The following CNOT4 variants were observed in gnomAD, a reference collection of about 807,000 sequenced individuals.
CNOT4 encodes the protein CCR4-associated factor 4.
Under a neutral mutation model 73.8 loss-of-function variants are expected in CNOT4, and 8 were observed. The observed-to-expected ratio is 0.11, with a 90% CI of 0.06 to 0.20. The LOEUF is 0.20. Among genes scored for constraint, CNOT4 ranks in the 10% least tolerant of loss-of-function variants. CNOT4 has a pLI of 1.00. For missense variants in CNOT4, 564 were observed against 883.4 expected, an observed-to-expected ratio of 0.64 and a Z score of 4.58; for synonymous variants, 293 against 321.1, an observed-to-expected ratio of 0.91 and a Z score of 0.94.
At chr7:135,466,026 G>T (rs1801198649) in intron 1 of CNOT4, among the ~76,000 whole-genome samples, 2 of 151,628 alleles carry the variant, frequency 1.3e-5, no homozygotes. Context: ...TCCAGCCTGG[G>T]CAACAAAGCG....
At chr7:135,411,415 T>C (rs181542564) in intron 6 of CNOT4, among the ~76,000 whole-genome samples, 5 of 152,088 alleles carry the variant, frequency 3.3e-5, no homozygotes, top group African/African-American at 9.6e-5. Flanking sequence ...ACTACATACA[T>C]AGCTCAGAAA....
At chr7:135,389,687 G>GA (rs200091011) in intron 10 of CNOT4, among the ~76,000 whole-genome samples, 46 of 150,494 alleles carry the variant, frequency 3.1e-4, no homozygotes, top group Non-Finnish European at 4.4e-4. Flanking sequence ...ACAAAAACAT[G>GA]AAAAAAAAAT....
chr7:135,504,879 C>T (rs1322420413), intron 1 of CNOT4, among the ~76,000 whole-genome samples: 3 of 151,992 alleles, frequency 2.0e-5, no homozygotes, highest in Admixed American at 6.6e-5. Flanking sequence ...CTGCCCACCT[C>T]GGCCTCCCAA....
intron 1 of CNOT4, among the ~76,000 whole-genome samples, chr7:135,465,134 G>A (rs1476507748): frequency 2.0e-5 from 3 of 152,004 alleles, no homozygotes; most frequent in Admixed American, 2.0e-4. Context: ...CTGCTCTCTG[G>A]TTTTAATAAA....
chr7:135,502,816 CAAAAAAA>C (rs56358299), intron 1 of CNOT4, among the ~76,000 whole-genome samples: 11 of 59,154 alleles, frequency 1.9e-4, no homozygotes, highest in South Asian at 5.3e-4. Context: ...AACTCCATCT[CAAAAAAA>C]AAAAAAAAAA....
chr7:135,474,276 A>ATT (rs869203152), intron 1 of CNOT4, among the ~76,000 whole-genome samples: 6,478 of 88,002 alleles, frequency 0.074, 635 homozygotes, highest in African/African-American at 0.1. Flanking sequence ...CTGTGCCCAA[A>ATT]TTTTTTTTTT....
chr7:135,441,245 A>T (rs1799463063), intron 1 of CNOT4, among the ~76,000 whole-genome samples: 1 of 152,126 alleles, frequency 6.6e-6, no homozygotes, highest in Non-Finnish European at 1.5e-5. Flanking sequence ...GCAAAAAAAA[A>T]TGTATTTTTT....
Position 135,417,129 on chromosome 7 carries a change from G to A in CNOT4, c.373-1867C>T, listed in dbSNP as rs190848105. Among the ~76,000 whole-genome samples, 12 of 151,586 alleles carry A rather than the reference G, an allele frequency of 7.9e-5. No individual in the cohort carries two copies. The East Asian group carries it at 2.6e-3, about 33-fold the overall frequency. On this transcript the variant is annotated intron_variant, in intron 3 of 11. Transcript: ENST00000541284. ...ACAGTCCATGATTTTACAAATAGGT[G>A]CAAGTATCTTACTTCTTTATTACAT... is the stretch of plus-strand genomic sequence containing the variant.
intron 6 of CNOT4, among the ~76,000 whole-genome samples, chr7:135,412,757 C>A (rs1018407534): frequency 6.6e-6 from 1 of 151,936 alleles, no homozygotes; most frequent in African/African-American, 2.4e-5. Context: ...GAGAAGTATT[C>A]CTGAAAAGTC....
chr7:135,382,594 A>AC (rs1554424418), intron 10 of CNOT4, among the ~76,000 whole-genome samples: 4 of 151,784 alleles, frequency 2.6e-5, no homozygotes, highest in African/African-American at 4.8e-5. Flanking sequence ...AAAAAAAAAA[A>AC]ACCACACAGT....
At chr7:135,488,575 T>C (rs189019379) in intron 1 of CNOT4, among the ~76,000 whole-genome samples, 2 of 152,326 alleles carry the variant, frequency 1.3e-5, no homozygotes, top group East Asian at 3.9e-4. Flanking sequence ...TTTATAAAAA[T>C]GTACAAAATG....
chr7:135,461,553 C>T (rs147382154), intron 1 of CNOT4, among the ~76,000 whole-genome samples: 2 of 152,108 alleles, frequency 1.3e-5, no homozygotes, highest in East Asian at 1.9e-4. Context: ...AAGCAGAGGC[C>T]GGGCGCAGTG....
chr7:135,438,654 C>A (rs376025672), intron 1 of CNOT4, among the ~76,000 whole-genome samples: 26 of 151,958 alleles, frequency 1.7e-4, no homozygotes, highest in Non-Finnish European at 2.9e-4. Flanking sequence ...CCTTTTTTCT[C>A]GATAAAACAT....
At chr7:135,473,147 T>C (rs2129486848) in intron 1 of CNOT4, among the ~76,000 whole-genome samples, 1 of 152,318 alleles carries the variant, frequency 6.6e-6, no homozygotes, top group African/African-American at 2.4e-5. Context: ...GCTTGGAGGT[T>C]TGAATAAGAG....
intron 10 of CNOT4, chr7:135,387,418 C>T: frequency 1.0e-6 from 1 of 983,546 alleles, no homozygotes; most frequent in Non-Finnish European, 1.2e-6. Context: ...AGAAAATAAT[C>T]CAATTTTATA....
chr7:135,440,620 T>A (rs1799420242), intron 1 of CNOT4, among the ~76,000 whole-genome samples: 1 of 151,962 alleles, frequency 6.6e-6, no homozygotes, highest in South Asian at 2.1e-4. Context: ...TCTACAGCAA[T>A]ATAAGAGTAG....
At chr7:135,476,975 T>C (rs1802031444) in intron 1 of CNOT4, among the ~76,000 whole-genome samples, 1 of 152,102 alleles carries the variant, frequency 6.6e-6, no homozygotes, top group South Asian at 2.1e-4. Context: ...CTTTTACCAA[T>C]AGTTATCTTG....
At chr7:135,453,824 T>TA (rs1491151967) in intron 1 of CNOT4, among the ~76,000 whole-genome samples, 3 of 69,830 alleles carry the variant, frequency 4.3e-5, no homozygotes, top group East Asian at 1.3e-3. Context: ...AATATATATA[T>TA]TTTATATATA....
At chr7:135,437,296 T>C (rs1799213540) in intron 2 of CNOT4, among the ~76,000 whole-genome samples, 1 of 152,166 alleles carries the variant, frequency 6.6e-6, no homozygotes, top group South Asian at 2.1e-4. Flanking sequence ...TTCACGCCAT[T>C]CTCCTGCCTC....
Sources: gnomAD v4.1 joint callset for allele counts (sites outside exome capture counted in the v4.1 genomes callset) on GRCh38, gnomAD v4.1.1 for gene constraint, MANE v1.5 for transcripts, NCBI Gene and HGNC (gene_info 2026-07-23, HGNC 2026-07-21) for gene names.